The following PRDM6 variants were observed in gnomAD, a reference collection of about 807,000 sequenced individuals.
The protein encoded by PRDM6 is putative histone-lysine N-methyltransferase PRDM6.
A neutral mutation model predicts 60.8 loss-of-function variants in PRDM6; 25 were observed. The observed-to-expected ratio is 0.41, with a 90% confidence interval of 0.30 to 0.57. The LOEUF (loss-of-function observed/expected upper bound fraction) is 0.57, where lower values mean the gene tolerates loss of function less well. Ranked by LOEUF, PRDM6 falls within the 20% of genes least tolerant of loss-of-function variation. The pLI is 0.27. For synonymous variants in PRDM6, 407 were observed against 357.4 expected, an observed-to-expected ratio of 1.14 and a Z score of -1.57; for missense variants, 839 against 821.3, an observed-to-expected ratio of 1.02 and a Z score of -0.26.
chr5:123,116,508 A>G (rs1310921583), intron 3 of PRDM6, among the ~76,000 whole-genome samples: 1 of 152,228 alleles, frequency 6.6e-6, no homozygotes, highest in Non-Finnish European at 1.5e-5. Context: ...CACATCTTGT[A>G]TTCCAGATCC....
Position 123,193,322 on chromosome 5 carries a change from C to T in PRDM6, c.*6121C>T, listed in dbSNP as rs1159230101. ...AAGCTGGAGATCTATTTCTACAGCA[C>T]AACTCTTTCATGTTTAAAAGCAATT... On this transcript the variant is annotated 3_prime_UTR_variant, in exon 8 of 8. Transcript: ENST00000407847. 1 of 152,160 alleles carries T rather than the reference C, an allele frequency of 6.6e-6. No individual in the cohort carries two copies. The highest frequency in any genetic ancestry group is 1.5e-5 in the Non-Finnish European group (1 of 68,044). 9.4% of individuals were successfully genotyped at this position (152,160 alleles called of 1,614,324 possible). A position where few individuals can be genotyped will look rare whatever the true frequency, so the allele number is the denominator to read the frequency against.
chr5:123,145,489 CCTTGGTGCCTCATCT>C (rs1368598843), intron 3 of PRDM6, among the ~76,000 whole-genome samples: 1 of 152,168 alleles, frequency 6.6e-6, no homozygotes, highest in African/African-American at 2.4e-5. Context: ...CACCCTCTAT[CCTTGGTGCCTCATCT>C]CTTGGATCTT....
At chr5:123,118,008 A>G (rs1764496751) in intron 3 of PRDM6, among the ~76,000 whole-genome samples, 1 of 152,218 alleles carries the variant, frequency 6.6e-6, no homozygotes, top group Non-Finnish European at 1.5e-5. Flanking sequence ...CCATGACTAG[A>G]TGGAGCTTAC....
chr5:123,140,211 A>G lies in PRDM6; in HGVS notation c.901-15673A>G, dbSNP rs184624229. ...ATCTGAAATTATCTGCGCTTGGCCA[A>G]ATCAGCTTTCCTGTATTTTCTTTCA... On this transcript the variant is annotated intron_variant, in intron 3 of 7. Transcript: ENST00000407847. Among the ~76,000 whole-genome samples, 81 of 152,246 alleles carry G rather than the reference A, an allele frequency of 5.3e-4. 1 individual carries two copies. In the East Asian group the frequency reaches 5.4e-3, roughly 10 times the overall value.
At chr5:123,090,666 C>G in intron 2 of PRDM6, 60 bp downstream of exon 2, 1 of 974,022 alleles carries the variant, frequency 1.0e-6, no homozygotes, top group Non-Finnish European at 1.3e-6. Context: ...CCGGCGGGCG[C>G]GGGTGCCTGT....
At position 123,090,558 on chromosome 5, in the gene PRDM6, C is replaced by G; in HGVS notation, c.544C>G (p.Arg182Gly). The G allele has an allele frequency of 6.6e-7, 1 of 1,525,768 alleles. No individual in the cohort carries two copies. 94.5% of individuals were successfully genotyped at this position (1,525,768 alleles called of 1,614,324 possible). A position where few individuals can be genotyped will look rare whatever the true frequency, so the allele number is the denominator to read the frequency against. ...GGACTATTACCTGTATGGCCAGCAG[C>G]GCATGGAGATCATCCCGCTCAACCA... Reference protein sequence around the residue: ...ELDYYLYGQQRMEIIPLNQHT... With the variant: ...ELDYYLYGQQGMEIIPLNQHT... The change falls in exon 2 of 8, where the codon CGC (arginine) becomes GGC (glycine). Residue 182 changes from arginine (R) to glycine (G), a missense_variant. Arg to Gly is a moderately radical substitution (Grantham distance 125). Coordinates refer to ENST00000407847, the MANE Select transcript of PRDM6 (RefSeq NM_001136239.4).
At chr5:123,162,360 C>T (rs1480968365) in intron 5 of PRDM6, among the ~76,000 whole-genome samples, 2 of 152,108 alleles carry the variant, frequency 1.3e-5, no homozygotes, top group Non-Finnish European at 2.9e-5. Context: ...GATTTGGTGC[C>T]ACCGTGCCAA....
chr5:123,107,424 C>A (rs748424348), intron 3 of PRDM6, among the ~76,000 whole-genome samples: 5 of 152,184 alleles, frequency 3.3e-5, no homozygotes, highest in Non-Finnish European at 7.3e-5. Context: ...TAAGAACATA[C>A]ACACATCAAG....
At chr5:123,165,044 C>T (rs148747684) in intron 5 of PRDM6, among the ~76,000 whole-genome samples, 366 of 152,340 alleles carry the variant, frequency 2.4e-3, no homozygotes, top group Admixed American at 4.1e-3. Flanking sequence ...CACTTCCCAA[C>T]AGGTGTTGAT....
At chr5:123,129,284 T>A (rs1019675314) in intron 3 of PRDM6, among the ~76,000 whole-genome samples, 14 of 152,242 alleles carry the variant, frequency 9.2e-5, no homozygotes, top group Admixed American at 3.3e-4. Context: ...AAAGTAGTTT[T>A]CTAATTTTGT....
chr5:123,172,958 G>A (rs560676144), intron 6 of PRDM6, among the ~76,000 whole-genome samples: 2 of 152,262 alleles, frequency 1.3e-5, no homozygotes, highest in African/African-American at 2.4e-5. Flanking sequence ...TTGGGAGGCC[G>A]AGGCAGGCGG....
chr5:123,154,944 T>G (rs1409688272), intron 3 of PRDM6, among the ~76,000 whole-genome samples: 1 of 152,190 alleles, frequency 6.6e-6, no homozygotes, highest in Non-Finnish European at 1.5e-5. Flanking sequence ...TGTGGATACA[T>G]GACCGCCTCA....
intron 3 of PRDM6, among the ~76,000 whole-genome samples, chr5:123,140,608 G>T (rs898383545): frequency 2.0e-5 from 3 of 152,026 alleles, no homozygotes; most frequent in Non-Finnish European, 4.4e-5. Context: ...TATTACAAAA[G>T]AAATGCAAAG....
chr5:123,164,592 G>C (rs953201624), intron 5 of PRDM6, among the ~76,000 whole-genome samples: 3 of 152,276 alleles, frequency 2.0e-5, no homozygotes, highest in African/African-American at 7.2e-5. Flanking sequence ...AAGTCACTCC[G>C]CAGGGATGCT....
intron 5 of PRDM6, among the ~76,000 whole-genome samples, chr5:123,165,900 T>G (rs1765741320): frequency 6.6e-6 from 1 of 152,194 alleles, no homozygotes; most frequent in African/African-American, 2.4e-5. Context: ...TTGCCATTAC[T>G]CTTTGCTAAA....
intron 3 of PRDM6, among the ~76,000 whole-genome samples, chr5:123,101,021 C>T (rs1289408504): frequency 6.6e-6 from 1 of 152,118 alleles, no homozygotes; most frequent in African/African-American, 2.4e-5. Context: ...GACATGAACC[C>T]CTGGGCTCCA....
Position 123,155,864 on chromosome 5 carries a change from C to A in PRDM6, c.901-20C>A, listed in dbSNP as rs773794420. 7 of 1,548,526 alleles carry A rather than the reference C, an allele frequency of 4.5e-6. No homozygotes were observed. The East Asian group carries it at 9.8e-5, about 22-fold the overall frequency. ...CTGATGATTCGTTCTAACTACTTGA[C>A]CTTCTGACCTCTTCTCCAGATATAT... On this transcript the variant is annotated intron_variant, in intron 3 of 7. Coordinates refer to ENST00000407847, the MANE Select transcript of PRDM6 (RefSeq NM_001136239.4).
At chr5:123,155,755 A>C in intron 3 of PRDM6, 129 bp from the exon 4 acceptor site, 2 of 979,014 alleles carry the variant, frequency 2.0e-6, no homozygotes, top group Non-Finnish European at 2.9e-6. Flanking sequence ...GTCCACAAGC[A>C]TCAATAAGCA....
In PRDM6 at chr5:123,099,841, C is replaced by T. The variant is rs1442717370; in HGVS notation, c.780C>T (p.Tyr260=). ...LCTSTVPGLA[Y]GICAAQRIQQ... ...CCAGTACTGTGCCCGGCCTGGCCTA[C>T]GGCATCTGCGCGGCGCAGAGGATCC... Residue 260 remains tyrosine (Y), a synonymous_variant, in exon 3 of 8, where the codon TAC becomes TAT. Coordinates refer to ENST00000407847, the MANE Select transcript of PRDM6 (RefSeq NM_001136239.4). The surrounding 1 kb of genome is among the most constrained non-coding windows in gnomAD (Gnocchi z 4.0). The T allele has an allele frequency of 5.8e-6, 9 of 1,550,420 alleles. No individual in the cohort carries two copies. Among genetic ancestry groups the T allele is most frequent in the East Asian group, 2.4e-5 (1 of 40,912 alleles).
Sources: allele counts gnomAD v4.1 joint callset (sites outside exome capture counted in the v4.1 genomes callset), GRCh38; gene constraint gnomAD v4.1.1; non-coding constraint Gnocchi (gnomAD v3.1); transcripts MANE v1.5; gene names NCBI Gene and HGNC (gene_info 2026-07-23, HGNC 2026-07-21).